Variants in TPRG1 observed in about 807,000 individuals in gnomAD.
The protein encoded by TPRG1 is tumor protein p63-regulated gene 1 protein.
TPRG1 carries 29 observed loss-of-function variants against 29.3 expected under a neutral mutation model. The observed-to-expected ratio is 0.99, with a 90% CI of 0.74 to 1.35. The LOEUF (loss-of-function observed/expected upper bound fraction) is 1.35, where lower values mean the gene tolerates loss of function less well. Ranked by LOEUF, TPRG1 falls within the 40% of genes most tolerant of loss-of-function variation. The probability of loss-of-function intolerance (pLI) is 0.00; values close to 1 mark genes in which losing one functional copy is unlikely to be tolerated. For synonymous variants in TPRG1, 130 were observed against 116.8 expected (o/e 1.11, Z -0.73); for missense variants, 327 against 335.0 (o/e 0.98, Z 0.19).
intron 4 of TPRG1, among the ~76,000 whole-genome samples, chr3:189,074,252 C>T (rs575992768): frequency 2.0e-4 from 27 of 132,696 alleles, no homozygotes; most frequent in Non-Finnish European, 4.0e-4. Context: ...GTCACCCAGG[C>T]TGGAGTGCAG....
chr3:189,000,423 A>G (rs1346361917), intron 1 of TPRG1, among the ~76,000 whole-genome samples: 1 of 152,054 alleles, frequency 6.6e-6, no homozygotes, highest in African/African-American at 2.4e-5. Context: ...TTATTTTTCA[A>G]AATAGTTAAT....
At chr3:189,126,182 G>A (rs1722467915) in intron 1 of TPRG1, among the ~76,000 whole-genome samples, 1 of 152,066 alleles carries the variant, frequency 6.6e-6, no homozygotes, top group South Asian at 2.1e-4. Context: ...GGGCAATGAG[G>A]TGCTGACACC....
intron 5 of TPRG1, among the ~76,000 whole-genome samples, chr3:189,156,354 G>GA (rs371927143): frequency 3.0e-4 from 38 of 127,672 alleles, no homozygotes; most frequent in African/African-American, 3.3e-4. Context: ...AGAACTATAA[G>GA]TAAAAAAAAA....
chr3:189,315,548 C>T (rs191008322), intron 5 of TPRG1: 93 of 454,512 alleles, frequency 2.0e-4, no homozygotes, highest in Admixed American at 1.3e-3. Context: ...TGATGAATAG[C>T]AGTGAACGCA....
At chr3:189,092,106 T>G (rs1347286124) in intron 4 of TPRG1, among the ~76,000 whole-genome samples, 1 of 152,212 alleles carries the variant, frequency 6.6e-6, no homozygotes, top group Non-Finnish European at 1.5e-5. Context: ...ATCTTTTCAC[T>G]CACTATTTTT....
At chr3:189,290,898 C>A (rs1432811729) in intron 4 of TPRG1, among the ~76,000 whole-genome samples, 1 of 151,932 alleles carries the variant, frequency 6.6e-6, no homozygotes, top group African/African-American at 2.4e-5. Flanking sequence ...TTTAGTGGCC[C>A]ATTTCTTTTT....
At chr3:189,053,873 T>C (rs185378517) in intron 4 of TPRG1, among the ~76,000 whole-genome samples, 1 of 152,356 alleles carries the variant, frequency 6.6e-6, no homozygotes, top group African/African-American at 2.4e-5. Context: ...TAAGGGAATG[T>C]TGTAGCTTGT....
intron 4 of TPRG1, among the ~76,000 whole-genome samples, chr3:189,242,358 G>A (rs1027972998): frequency 4.7e-5 from 7 of 147,636 alleles, no homozygotes; most frequent in Non-Finnish European, 7.4e-5. Context: ...TTTATTAATC[G>A]TTTTTTATTT....
intron 4 of TPRG1, among the ~76,000 whole-genome samples, chr3:189,033,362 A>C (rs1263760092): frequency 1.3e-5 from 2 of 151,694 alleles, no homozygotes; most frequent in Non-Finnish European, 2.9e-5. Context: ...GTTCACTGCA[A>C]CTTCTGCCTC....
At chr3:189,177,095 G>A (rs1431264142) in intron 1 of TPRG1, among the ~76,000 whole-genome samples, 2 of 152,178 alleles carry the variant, frequency 1.3e-5, no homozygotes, top group Admixed American at 6.5e-5. Flanking sequence ...AAGCTTGGAT[G>A]AGGATGTAGC....
At chr3:189,319,592 C>T (rs768206134) in intron 5 of TPRG1, among the ~76,000 whole-genome samples, 13 of 152,036 alleles carry the variant, frequency 8.6e-5, no homozygotes, top group Non-Finnish European at 1.5e-4. Flanking sequence ...TCCAAGCCAC[C>T]GTCGTATCTT....
chr3:189,133,927 C>T (rs1265937165), intron 3 of TPRG1, among the ~76,000 whole-genome samples: 1 of 152,098 alleles, frequency 6.6e-6, no homozygotes, highest in Non-Finnish European at 1.5e-5. Flanking sequence ...AGACTGTGGC[C>T]AACTCAAGTT....
intron 3 of TPRG1, among the ~76,000 whole-genome samples, chr3:189,137,793 A>G (rs73055404): frequency 0.036 from 5,432 of 151,998 alleles, 213 homozygotes; most frequent in African/African-American, 0.093. Context: ...TGTAGCCAGT[A>G]TAGGCCTTGG....
At chr3:189,039,202 G>T (rs558847561) in intron 4 of TPRG1, among the ~76,000 whole-genome samples, 1 of 152,364 alleles carries the variant, frequency 6.6e-6, no homozygotes, top group Non-Finnish European at 1.5e-5. Flanking sequence ...TTATGGAAAT[G>T]TTCAGAAAGA....
chr3:189,224,063 A>G (rs1172570458), intron 3 of TPRG1, among the ~76,000 whole-genome samples: 1 of 152,214 alleles, frequency 6.6e-6, no homozygotes, highest in East Asian at 1.9e-4. Flanking sequence ...TATGATACAT[A>G]CTGATATATG....
At chr3:189,193,132 A>ATTTTTTTTTTTTT (rs555964454) in intron 1 of TPRG1, among the ~76,000 whole-genome samples, 3 of 90,268 alleles carry the variant, frequency 3.3e-5, no homozygotes, top group African/African-American at 4.5e-5. Context: ...TTGACTTTTA[A>ATTTTTTTTTTTTT]TTTTTTTTTT....
chr3:189,234,510 T>C (rs1183222194), intron 3 of TPRG1, among the ~76,000 whole-genome samples: 2 of 152,194 alleles, frequency 1.3e-5, no homozygotes, highest in East Asian at 3.9e-4. Context: ...TTTCTCACTA[T>C]TTTGGCATGA....
At chr3:189,089,584 C>A (rs1205691009) in intron 4 of TPRG1, among the ~76,000 whole-genome samples, 3 of 152,092 alleles carry the variant, frequency 2.0e-5, no homozygotes, top group African/African-American at 7.2e-5. Context: ...TGAGGCCCTC[C>A]TTGCTGGTGG....
chr3:189,133,565 T>C (rs1723358206), intron 3 of TPRG1, among the ~76,000 whole-genome samples: 1 of 152,308 alleles, frequency 6.6e-6, no homozygotes, highest in African/African-American at 2.4e-5. Flanking sequence ...CACTTCTCTC[T>C]CCTGCCACCA....
Sources: allele counts gnomAD v4.1 joint callset (sites outside exome capture counted in the v4.1 genomes callset), GRCh38; gene constraint gnomAD v4.1.1; transcripts MANE v1.5; gene names NCBI Gene and HGNC (gene_info 2026-07-23, HGNC 2026-07-21).